Variants in DGCR2 observed in about 807,000 individuals in gnomAD.
The protein encoded by DGCR2 is DiGeorge syndrome critical region gene 2.
A neutral mutation model predicts 51.6 loss-of-function variants in DGCR2; 24 were observed. The observed-to-expected ratio is 0.47, with a 90% CI of 0.34 to 0.65. The LOEUF (loss-of-function observed/expected upper bound fraction) is 0.65. DGCR2 is among the 30% of genes least tolerant of loss of function. The pLI, the probability that DGCR2 is intolerant of heterozygous loss-of-function variation, is 0.01. For synonymous variants in DGCR2, 340 were observed against 315.4 expected (o/e 1.08, Z -0.82); for missense variants, 765 against 772.1 (o/e 0.99, Z 0.11).
chr22:19,063,742 G>A (rs1285844377), intron 4 of DGCR2, among the ~76,000 whole-genome samples: 2 of 151,970 alleles, frequency 1.3e-5, no homozygotes, highest in Non-Finnish European at 2.9e-5. Context: ...TTTATCTCAG[G>A]GAACTCTTGC....
intron 1 of DGCR2, among the ~76,000 whole-genome samples, chr22:19,111,612 G>A (rs375135781): frequency 1.2e-4 from 19 of 152,268 alleles, no homozygotes; most frequent in African/African-American, 4.6e-4. Context: ...GTCAGGTAAA[G>A]GGTGTGTAGA....
Position 19,104,549 on chromosome 22 carries a change from A to G in DGCR2, c.80-15059T>C, listed in dbSNP as rs970879460. Among the ~76,000 whole-genome samples the G allele has an allele frequency of 2.6e-5, 4 of 152,218 alleles. No homozygotes were observed. In the South Asian group the frequency reaches 8.3e-4, roughly 32 times the overall value. On this transcript the variant is annotated intron_variant, in intron 1 of 9. Transcript: ENST00000263196. ...CAGTTACATCACTAAGAAAATCAAA[A>G]CATTTCCAGCAAAGAAATGCAGGAG...
chr22:19,063,094 C>T, intron 5 of DGCR2, 108 bp downstream of exon 5: 1 of 1,067,560 alleles, frequency 9.4e-7, no homozygotes, highest in Non-Finnish European at 1.4e-6. Context: ...ACTCCCTGCA[C>T]AGCACCCCTA....
chr22:19,043,917 C>G (rs1458930761), intron 7 of DGCR2, among the ~76,000 whole-genome samples: 1 of 152,176 alleles, frequency 6.6e-6, no homozygotes, highest in East Asian at 1.9e-4. Context: ...AAGGATACAT[C>G]CTCTCACCAA....
chr22:19,062,952 G>A (rs11912030), intron 5 of DGCR2, among the ~76,000 whole-genome samples: 38 of 152,182 alleles, frequency 2.5e-4, no homozygotes, highest in African/African-American at 6.3e-4. Context: ...GGAGGCGGGG[G>A]ACAATCTAGA....
chr22:19,062,775 G>GCGCTCTCT (rs1555903875), intron 5 of DGCR2, among the ~76,000 whole-genome samples: 23 of 108,962 alleles, frequency 2.1e-4, no homozygotes, highest in Non-Finnish European at 3.5e-4. Flanking sequence ...ACACATGCAT[G>GCGCTCTCT]CTCACTCTCT....
intron 5 of DGCR2, among the ~76,000 whole-genome samples, chr22:19,058,086 C>T (rs992148984): frequency 3.3e-5 from 5 of 152,034 alleles, no homozygotes; most frequent in African/African-American, 1.2e-4. Context: ...ATTTATAAGC[C>T]TCCAGCATTC....
intron 7 of DGCR2, chr22:19,046,358 C>G (rs1018032415): frequency 6.6e-6 from 1 of 152,148 alleles, no homozygotes; most frequent in Non-Finnish European, 1.5e-5. Flanking sequence ...ATTTTTGTTA[C>G]GTTGACCTTA....
chr22:19,100,712 T>C (rs1205992503), intron 1 of DGCR2, among the ~76,000 whole-genome samples: 4 of 151,564 alleles, frequency 2.6e-5, no homozygotes, highest in African/African-American at 9.7e-5. Flanking sequence ...GACTTCTTCA[T>C]TCTAAGACAC....
At chr22:19,055,482 C>T (rs1487295335) in intron 6 of DGCR2, among the ~76,000 whole-genome samples, 1 of 152,188 alleles carries the variant, frequency 6.6e-6, no homozygotes, top group Admixed American at 6.5e-5. Context: ...CTAATCATCA[C>T]TGTCCTGGAG....
chr22:19,112,585 AG>A (rs977965891), intron 1 of DGCR2, among the ~76,000 whole-genome samples: 3 of 143,528 alleles, frequency 2.1e-5, no homozygotes, highest in African/African-American at 7.7e-5. Flanking sequence ...CTGGGACTAC[AG>A]GCGTGTGCCA....
rs1027865968 is a variant in DGCR2, at chr22:19,037,971, CG to C, written c.*893del. ...CAACCCTTTATGGCACAAATGGGGC[CG>C]GGGGCAGGCCCAGGGGCAATTCAAC... On this transcript the variant is annotated 3_prime_UTR_variant, in exon 10 of 10. Coordinates refer to ENST00000263196, the MANE Select transcript of DGCR2 (RefSeq NM_005137.3). The C allele has an allele frequency of 6.5e-6, 1 of 153,140 alleles. No individual in the cohort carries two copies. Among genetic ancestry groups the C allele is most frequent in the East Asian group, 1.9e-4 (1 of 5,194 alleles). 9.5% of individuals were successfully genotyped at this position (153,140 alleles called of 1,614,324 possible).
chr22:19,052,414 T>A (rs1601516217), intron 6 of DGCR2, among the ~76,000 whole-genome samples: 2 of 148,550 alleles, frequency 1.3e-5, no homozygotes, highest in African/African-American at 2.5e-5. Context: ...AGACTCTGTC[T>A]CACACACACA....
At chr22:19,060,710 T>C (rs577926018) in intron 5 of DGCR2, 5 of 309,494 alleles carry the variant, frequency 1.6e-5, no homozygotes, top group Non-Finnish European at 2.6e-5. Context: ...TCATGTCTTC[T>C]GGCAGCAGCA....
intron 1 of DGCR2, among the ~76,000 whole-genome samples, chr22:19,117,274 G>A (rs807745): frequency 0.14 from 21,279 of 152,274 alleles, 2,605 homozygotes; most frequent in African/African-American, 0.33. Context: ...GTGGAGCAGC[G>A]AAGGCGCAGC....
chr22:19,062,775 G>GTCTCTCTCTCTCTCTCTCT (rs2082685543), intron 5 of DGCR2, among the ~76,000 whole-genome samples: 1 of 108,860 alleles, frequency 9.2e-6, no homozygotes. Flanking sequence ...ACACATGCAT[G>GTCTCTCTCTCTCTCTCTCT]CTCACTCTCT....
At chr22:19,060,965 AT>A in intron 5 of DGCR2, 1 of 425,222 alleles carries the variant, frequency 2.4e-6, no homozygotes, top group Non-Finnish European at 4.8e-6. Flanking sequence ...TCTGGAACAT[AT>A]TATACAACAC....
chr22:19,070,032 G>T (rs970803703), intron 2 of DGCR2, among the ~76,000 whole-genome samples: 4 of 152,312 alleles, frequency 2.6e-5, no homozygotes, highest in Admixed American at 1.3e-4. Context: ...ACCTCAGTGT[G>T]GGACAGTAAC....
At chr22:19,064,031 G>A (rs11703697) in intron 4 of DGCR2, among the ~76,000 whole-genome samples, 17 of 152,214 alleles carry the variant, frequency 1.1e-4, no homozygotes, top group Non-Finnish European at 2.4e-4. Context: ...TCCTGAGCAT[G>A]CAGGCCTAGC....
Sources: allele counts gnomAD v4.1 joint callset (sites outside exome capture counted in the v4.1 genomes callset), GRCh38; gene constraint gnomAD v4.1.1; transcripts MANE v1.5; gene names NCBI Gene and HGNC (gene_info 2026-07-23, HGNC 2026-07-21).